The following GOLM2 variants were observed in gnomAD, a reference collection of about 807,000 sequenced individuals.
The protein encoded by GOLM2 is protein GOLM2.
A neutral mutation model predicts 55.9 loss-of-function variants in GOLM2; 26 were observed. That is an observed-to-expected ratio of 0.47 (90% confidence interval 0.34 to 0.65). The LOEUF is 0.65. Ranked by LOEUF, GOLM2 falls within the 30% of genes least tolerant of loss-of-function variation. GOLM2 has a pLI of 0.01. For synonymous variants in GOLM2, 165 were observed against 194.6 expected (o/e 0.85, Z 1.27); for missense variants, 486 against 531.8 (o/e 0.91, Z 0.85).
chr15:44,317,386 GT>G (rs1232917787), intron 1 of GOLM2, among the ~76,000 whole-genome samples: 1 of 151,964 alleles, frequency 6.6e-6, no homozygotes, highest in African/African-American at 2.4e-5. Context: ...CAAAAAAAGT[GT>G]TTTTTTAAAT....
At chr15:44,362,839 A>G (rs1047223400) in intron 6 of GOLM2, among the ~76,000 whole-genome samples, 9 of 152,194 alleles carry the variant, frequency 5.9e-5, no homozygotes, top group Admixed American at 5.9e-4. Flanking sequence ...TGATACCAAA[A>G]CAGAGATAGA....
chr15:44,305,128 G>A (rs574096448), intron 1 of GOLM2, among the ~76,000 whole-genome samples: 1 of 152,108 alleles, frequency 6.6e-6, no homozygotes, highest in East Asian at 1.9e-4. Flanking sequence ...AGCCTTCCGA[G>A]TAGCTGGGAC....
At chr15:44,291,889 C>T (rs985555985) in intron 1 of GOLM2, among the ~76,000 whole-genome samples, 1 of 152,148 alleles carries the variant, frequency 6.6e-6, no homozygotes, top group Admixed American at 6.6e-5. Flanking sequence ...GTGTATCCTC[C>T]TCTTGGAATT....
intron 6 of GOLM2, among the ~76,000 whole-genome samples, chr15:44,363,569 A>G (rs373089686): frequency 6.6e-6 from 1 of 152,200 alleles, no homozygotes; most frequent in Non-Finnish European, 1.5e-5. Context: ...GATGTGGAGA[A>G]ATAGGAACAC....
chr15:44,352,833 G>A (rs982064759), intron 6 of GOLM2, among the ~76,000 whole-genome samples: 3 of 151,578 alleles, frequency 2.0e-5, no homozygotes, highest in African/African-American at 7.3e-5. Context: ...TTGGACCTGG[G>A]AGGCAGAGGT....
intron 1 of GOLM2, among the ~76,000 whole-genome samples, chr15:44,321,060 A>G (rs1392189017): frequency 6.6e-6 from 1 of 152,164 alleles, no homozygotes; most frequent in East Asian, 1.9e-4. Flanking sequence ...ATACTGCTTT[A>G]GATGGTGCCT....
chr15:44,361,511 C>T (rs1336245269), intron 6 of GOLM2, among the ~76,000 whole-genome samples: 1 of 152,066 alleles, frequency 6.6e-6, no homozygotes, highest in Admixed American at 6.6e-5. Flanking sequence ...AGTTGAATCT[C>T]TGAATAGACC....
intron 1 of GOLM2, among the ~76,000 whole-genome samples, chr15:44,314,421 T>C (rs1032733409): frequency 6.6e-5 from 10 of 151,860 alleles, no homozygotes; most frequent in African/African-American, 2.4e-4. Context: ...TAGCTGGGCA[T>C]GGTGGTGTAT....
intron 6 of GOLM2, 72 bp from the exon 7 acceptor site, chr15:44,379,618 G>GTGTTTT: frequency 9.3e-6 from 4 of 428,370 alleles, no homozygotes; most frequent in Non-Finnish European, 1.2e-5. Flanking sequence ...ATTCACGGTG[G>GTGTTTT]TTTTTTTTTT....
chr15:44,404,726 T>C (rs2079586744), intron 9 of GOLM2, among the ~76,000 whole-genome samples: 1 of 152,164 alleles, frequency 6.6e-6, no homozygotes, highest in South Asian at 2.1e-4. Flanking sequence ...TTTGTTTGTA[T>C]CCTTTTCTAC....
At chr15:44,396,399 C>T (rs889397178) in intron 8 of GOLM2, among the ~76,000 whole-genome samples, 1 of 152,000 alleles carries the variant, frequency 6.6e-6, no homozygotes, top group African/African-American at 2.4e-5. Context: ...ATTTTAGCCA[C>T]GAGAAATGGC....
intron 6 of GOLM2, among the ~76,000 whole-genome samples, chr15:44,340,275 T>C (rs1351632551): frequency 6.6e-6 from 1 of 151,796 alleles, no homozygotes; most frequent in African/African-American, 2.4e-5. Flanking sequence ...AGCCAAAAAT[T>C]ACATATATTT....
intron 8 of GOLM2, among the ~76,000 whole-genome samples, chr15:44,396,413 ATTT>A: frequency 6.6e-6 from 1 of 152,274 alleles, no homozygotes; most frequent in East Asian, 1.9e-4. Context: ...AAATGGCTAC[ATTT>A]GCTTTCTCAT....
chr15:44,337,150 G>A (rs929386093), intron 4 of GOLM2, among the ~76,000 whole-genome samples: 1 of 151,826 alleles, frequency 6.6e-6, no homozygotes, highest in Non-Finnish European at 1.5e-5. Context: ...ACTTAATACT[G>A]GTCCACCAAG....
intron 8 of GOLM2, among the ~76,000 whole-genome samples, chr15:44,388,838 C>A (rs369251893): frequency 6.6e-6 from 1 of 151,410 alleles, no homozygotes; most frequent in East Asian, 1.9e-4. Context: ...TTTTTTTAGA[C>A]GGAGTCTCGG....
intron 1 of GOLM2, among the ~76,000 whole-genome samples, chr15:44,296,776 A>G (rs967539230): frequency 2.0e-5 from 3 of 152,168 alleles, no homozygotes; most frequent in Admixed American, 6.5e-5. Flanking sequence ...GCTTGTTTTC[A>G]GTTTCCTGGT....
intron 2 of GOLM2, among the ~76,000 whole-genome samples, chr15:44,328,320 A>C (rs1478195439): frequency 6.6e-6 from 1 of 152,218 alleles, no homozygotes; most frequent in African/African-American, 2.4e-5. Context: ...TCTACTAAAA[A>C]TACAAAAATT....
chr15:44,312,529 A>T (rs1411657052), intron 1 of GOLM2, among the ~76,000 whole-genome samples: 1 of 152,178 alleles, frequency 6.6e-6, no homozygotes, highest in Non-Finnish European at 1.5e-5. Context: ...CTCCAGGGCC[A>T]GCCTCTCTAC....
At chr15:44,385,488 A>G (rs1305216431) in intron 8 of GOLM2, among the ~76,000 whole-genome samples, 1 of 151,592 alleles carries the variant, frequency 6.6e-6, no homozygotes, top group African/African-American at 2.4e-5. Flanking sequence ...TTTTCTGTGT[A>G]CTTTCTGGCC....
Sources: allele counts gnomAD v4.1 joint callset (sites outside exome capture counted in the v4.1 genomes callset), GRCh38; gene constraint gnomAD v4.1.1; transcripts MANE v1.5; gene names NCBI Gene and HGNC (gene_info 2026-07-23, HGNC 2026-07-21).